MEF2B: variants seen among roughly 807,000 people sequenced by gnomAD.
MEF2B encodes myocyte-specific enhancer factor 2B.
Under a neutral mutation model 32.2 loss-of-function variants are expected in MEF2B, and 15 were observed. The observed-to-expected ratio is 0.47, with a 90% CI of 0.31 to 0.72. MEF2B has a LOEUF of 0.72. Among genes scored for constraint, MEF2B ranks in the 30% least tolerant of loss-of-function variants. The pLI, the probability that MEF2B is intolerant of heterozygous loss-of-function variation, is 0.05. For missense variants in MEF2B, 441 were observed against 511.5 expected, an observed-to-expected ratio of 0.86 and a Z score of 1.33; for synonymous variants, 205 against 225.6, an observed-to-expected ratio of 0.91 and a Z score of 0.82.
intron 5 of MEF2B, 75 bp downstream of exon 5, chr19:19,146,961 C>T: frequency 1.3e-6 from 2 of 1,564,848 alleles, no homozygotes; most frequent in Admixed American, 3.7e-5. Context: ...TGCACGCAGC[C>T]TGGCAATGCC....
chr19:19,152,153 G>A (rs1181674241), intron 1 of MEF2B, among the ~76,000 whole-genome samples: 1 of 151,300 alleles, frequency 6.6e-6, no homozygotes, highest in African/African-American at 2.4e-5. Context: ...TAGAGACGAG[G>A]TTTCACCATG....
intron 1 of MEF2B, among the ~76,000 whole-genome samples, chr19:19,156,714 C>T (rs1284548424): frequency 6.6e-6 from 1 of 152,056 alleles, no homozygotes; most frequent in Non-Finnish European, 1.5e-5. Context: ...TTCAGTGGTG[C>T]AATTATAGCT....
chr19:19,159,643 G>T (rs142170524), intron 1 of MEF2B, among the ~76,000 whole-genome samples: 94 of 152,248 alleles, frequency 6.2e-4, no homozygotes, highest in Middle Eastern at 3.4e-3. Flanking sequence ...CGATGTGGGG[G>T]TGAGGGGGAA....
chr19:19,149,562 C>T (rs931734494), intron 2 of MEF2B, 133 bp from the exon 3 acceptor site: 55 of 1,253,986 alleles, frequency 4.4e-5, no homozygotes, highest in Admixed American at 9.2e-5. Context: ...TGGTAATTCT[C>T]ATGTCACAAC....
rs780635430 is a variant in MEF2B, at chr19:19,147,065, C to T, written c.512G>A (p.Arg171Gln). The T allele has an allele frequency of 1.3e-5, 21 of 1,607,270 alleles. No individual in the cohort carries two copies. The highest frequency in any genetic ancestry group is 4.0e-5 in the African/African-American group (3 of 74,678). Residue 171 changes from arginine (R) to glutamine (Q), a missense_variant, in exon 5 of 9, where the codon CGA becomes CAA. Physicochemically the swap from Arg to Gln is conservative, Grantham distance 43. Transcript: ENST00000424583. The part of the protein sequence containing the change: ...LPAQSRPSPF[R>Q]PAAPKAGPPG... ...GGGCCCGGCTTTGGGGGCTGCTGGTCGGAAGGGAGATGGGCGGCTCTGGGC... is the reference window on the plus strand; with the variant it reads ...GGGCCCGGCTTTGGGGGCTGCTGGTTGGAAGGGAGATGGGCGGCTCTGGGC...
At chr19:19,155,586 T>C (rs939834454) in intron 1 of MEF2B, among the ~76,000 whole-genome samples, 1 of 152,310 alleles carries the variant, frequency 6.6e-6, no homozygotes, top group African/African-American at 2.4e-5. Context: ...CCCCAGCTGA[T>C]ACCCTGCCCA....
intron 3 of MEF2B, among the ~76,000 whole-genome samples, chr19:19,149,020 T>G (rs542692013): frequency 6.6e-6 from 1 of 151,912 alleles, no homozygotes; most frequent in African/African-American, 2.4e-5. Context: ...CCCGATGTGC[T>G]TTATTTCTGC....
At chr19:19,156,630 G>T (rs943990558) in intron 1 of MEF2B, among the ~76,000 whole-genome samples, 3 of 152,122 alleles carry the variant, frequency 2.0e-5, no homozygotes, top group Non-Finnish European at 2.9e-5. Flanking sequence ...TTAGATCTTT[G>T]AAATAGACGG....
At chr19:19,147,567 C>G (rs955061197) in intron 4 of MEF2B, 131 bp downstream of exon 4, 1 of 1,529,838 alleles carries the variant, frequency 6.5e-7, no homozygotes, top group Non-Finnish European at 8.8e-7. Flanking sequence ...CTTTCCTGAC[C>G]AACCAGGTAG....
chr19:19,165,146 G>C (rs916145409), intron 1 of MEF2B, among the ~76,000 whole-genome samples: 3 of 152,096 alleles, frequency 2.0e-5, no homozygotes, highest in Non-Finnish European at 4.4e-5. Context: ...AGGAGCAGGG[G>C]GTGGGCAGAG....
In MEF2B at chr19:19,147,214, C is replaced by T. The variant is rs201744350; in HGVS notation, c.394-31G>A. 1.2e-5 allele frequency: 9 copies of T among 720,182 alleles called. 1 individual carries two copies. The highest frequency in any genetic ancestry group is 2.8e-5 in the African/African-American group (1 of 35,246). 44.6% of individuals were successfully genotyped at this position (720,182 alleles called of 1,614,324 possible). ...GGTAGAGAAGGGATGGGTCAGAGGA[C>T]CCCAGGCCAGATGGGGGTGCCAAGT... On this transcript the variant is annotated intron_variant, in intron 4 of 8. Transcript: ENST00000424583.
At chr19:19,168,520 G>A (rs538455574) in intron 1 of MEF2B, among the ~76,000 whole-genome samples, 23 of 151,792 alleles carry the variant, frequency 1.5e-4, no homozygotes, top group Non-Finnish European at 2.1e-4. Flanking sequence ...TGATCCGCCC[G>A]CCTCAGCCTC....
intron 1 of MEF2B, among the ~76,000 whole-genome samples, chr19:19,155,975 G>C (rs1263239375): frequency 1.3e-5 from 2 of 152,186 alleles, no homozygotes; most frequent in African/African-American, 4.8e-5. Context: ...GAGCACAGAA[G>C]AAAGAACAGG....
chr19:19,147,371 G>T lies in MEF2B; in HGVS notation c.394-188C>A, dbSNP rs1465526670. Among the ~76,000 whole-genome samples the T allele has an allele frequency of 2.9e-5, 3 of 104,906 alleles. 1 individual carries two copies. Among genetic ancestry groups the T allele is most frequent in the African/African-American group, 1.0e-4 (3 of 28,970 alleles). 68.8% of individuals were successfully genotyped at this position (104,906 alleles called of 152,430 possible). On this transcript the variant is annotated intron_variant, in intron 4 of 8. Coordinates refer to ENST00000424583, the MANE Select transcript of MEF2B (RefSeq NM_001145785.2). ...CTACAGGCTGGGGGAGCTTCTGTCT[G>T]GCTCTGCCTGTCCTTGACAGGTAGG... is the stretch of plus-strand genomic sequence containing the variant.
chr19:19,152,339 T>C (rs111701515), intron 1 of MEF2B, among the ~76,000 whole-genome samples: 23,840 of 142,960 alleles, frequency 0.17, 2,216 homozygotes, highest in East Asian at 0.36. Context: ...GGCAGGTGTG[T>C]CACTGCACTC....
At chr19:19,160,367 C>A (rs921889304) in intron 1 of MEF2B, among the ~76,000 whole-genome samples, 2 of 152,028 alleles carry the variant, frequency 1.3e-5, no homozygotes, top group African/African-American at 2.4e-5. Flanking sequence ...TCCTGCAAGA[C>A]CACCTTGAAA....
chr19:19,164,039 T>C (rs1380122578), intron 1 of MEF2B, among the ~76,000 whole-genome samples: 1 of 151,536 alleles, frequency 6.6e-6, no homozygotes, highest in Non-Finnish European at 1.5e-5. Context: ...CGATCTCAGC[T>C]CACCGCAACC....
chr19:19,147,973 C>A, intron 3 of MEF2B, 141 bp from the exon 4 acceptor site: 1 of 1,390,552 alleles, frequency 7.2e-7, no homozygotes, highest in Non-Finnish European at 9.4e-7. Context: ...CTAGCCAAAC[C>A]CCACTGACCA....
chr19:19,149,737 C>G (rs1441655252), intron 2 of MEF2B, among the ~76,000 whole-genome samples: 2 of 151,284 alleles, frequency 1.3e-5, no homozygotes, highest in Non-Finnish European at 2.9e-5. Context: ...CTCCATCTCC[C>G]CTATGGCTGG....
Sources: allele counts gnomAD v4.1 joint callset (sites outside exome capture counted in the v4.1 genomes callset), GRCh38; gene constraint gnomAD v4.1.1; transcripts MANE v1.5; gene names NCBI Gene and HGNC (gene_info 2026-07-23, HGNC 2026-07-21).